MRPL35: variants seen among roughly 807,000 people sequenced by gnomAD.
The protein encoded by MRPL35 is mitochondrial ribosomal protein L35.
In MRPL35, 18 loss-of-function variants were observed where a neutral mutation model predicts 21.6. That is an observed-to-expected ratio of 0.83 (90% CI 0.58 to 1.24). The LOEUF (loss-of-function observed/expected upper bound fraction) is 1.24. Among genes scored for constraint, MRPL35 ranks in the 50% most tolerant of loss-of-function variants. The pLI, the probability that MRPL35 is intolerant of heterozygous loss-of-function variation, is 0.00. For synonymous variants in MRPL35, 87 were observed against 86.9 expected, an observed-to-expected ratio of 1.00 and a Z score of -0.01; for missense variants, 223 against 223.2, an observed-to-expected ratio of 1.00 and a Z score of 0.01.
Position 86,212,636 on chromosome 2 carries a change from C to G in MRPL35, c.*1968C>G. ...GCCTCAGAGCACCTTCGTTTCTCCT[C>G]TAGACCAGGGACAGGTGTAGAGATA... On this transcript the variant is annotated 3_prime_UTR_variant, in exon 4 of 4. Transcript: ENST00000337109. The G allele has an allele frequency of 7.3e-7, 1 of 1,370,774 alleles. No individual in the cohort carries two copies. Among genetic ancestry groups the G allele is most frequent in the African/African-American group, 1.5e-5 (1 of 67,400 alleles). The allele number at this position is 1,370,774 out of a possible 1,614,324, so 84.9% of individuals were successfully genotyped here. A position where few individuals can be genotyped will look rare whatever the true frequency, so the allele number is the denominator to read the frequency against.
In MRPL35 at chr2:86,212,206, T is replaced by C. The variant is rs1673915848; in HGVS notation, c.*1538T>C. 7.6e-7 allele frequency: 1 copy of C among 1,318,928 alleles called. No homozygotes were observed. Among genetic ancestry groups the C allele is most frequent in the East Asian group, 3.0e-5 (1 of 33,606 alleles). 81.7% of individuals were successfully genotyped at this position (1,318,928 alleles called of 1,614,324 possible). On this transcript the variant is annotated 3_prime_UTR_variant, in exon 4 of 4. Coordinates refer to ENST00000337109, the MANE Select transcript of MRPL35 (RefSeq NM_016622.4). ...ATTATGAAATTGAAGTTCTGCAGCATGTCAGGCCAGGATTATTAGGGAGAT... is the reference window on the plus strand; with the variant it reads ...ATTATGAAATTGAAGTTCTGCAGCACGTCAGGCCAGGATTATTAGGGAGAT...
chr2:86,206,119 C>T lies in MRPL35; in HGVS notation c.57C>T (p.Pro19=), dbSNP rs1259230023. Residue 19 remains proline (P), a synonymous_variant, in exon 2 of 4, where the codon CCC becomes CCT. Coordinates refer to ENST00000337109, the MANE Select transcript of MRPL35 (RefSeq NM_016622.4). ...AVRAASGILR[P]LNILASSTYR... is the part of the protein sequence containing the mutation. ...CTATCTTTACAGGAATCCTACGGCCCCTGAATATTTTGGCATCTTCAACCT... is the reference window on the plus strand; with the variant it reads ...CTATCTTTACAGGAATCCTACGGCCTCTGAATATTTTGGCATCTTCAACCT... 3 of 1,610,678 alleles carry T rather than the reference C, an allele frequency of 1.9e-6. No individual in the cohort carries two copies. Among genetic ancestry groups the T allele is most frequent in the Middle Eastern group, 1.7e-4 (1 of 6,058 alleles).
Position 86,206,295 on chromosome 2 carries a change from GGTAGA to G in MRPL35, c.233+4_233+8del. On this transcript the variant is annotated splice_donor_variant and splice_donor_5th_base_variant and intron_variant, in intron 2 of 3. Transcript: ENST00000337109. LOFTEE classifies it high-confidence loss of function. The stretch of plus-strand genomic sequence containing the variant: ...GGGCATACCTCAGTGATCCTTAATA[GGTAGA>G]GTATATTTCTTTGTGGGGTTTTTTT... The G allele has an allele frequency of 1.3e-6, 2 of 1,596,406 alleles. No individual in the cohort carries two copies. The highest frequency in any genetic ancestry group is 1.7e-6 in the Non-Finnish European group (2 of 1,174,188).
At chr2:86,200,916 T>G (rs1673671643) in intron 1 of MRPL35, among the ~76,000 whole-genome samples, 1 of 152,194 alleles carries the variant, frequency 6.6e-6, no homozygotes, top group South Asian at 2.1e-4. Context: ...TCCGCCCGCC[T>G]CGACCTCCCA....
Position 86,211,306 on chromosome 2 carries a change from G to A in MRPL35, c.*638G>A. The A allele has an allele frequency of 1.1e-6, 1 of 884,516 alleles. No individual in the cohort carries two copies. Among genetic ancestry groups the A allele is most frequent in the Non-Finnish European group, 1.4e-6 (1 of 738,310 alleles). The allele number at this position is 884,516 out of a possible 1,614,324, so 54.8% of individuals were successfully genotyped here. A position where few individuals can be genotyped will look rare whatever the true frequency, so the allele number is the denominator to read the frequency against. ...TTCTACATGATGACCTTCAGCTCCT[G>A]CTGCTAGTCTCCAATTGCCAAGGGA... On this transcript the variant is annotated 3_prime_UTR_variant, in exon 4 of 4. Transcript: ENST00000337109.
At chr2:86,203,180 C>T (rs992660668) in intron 1 of MRPL35, among the ~76,000 whole-genome samples, 3 of 150,700 alleles carry the variant, frequency 2.0e-5, no homozygotes, top group Non-Finnish European at 4.4e-5. Flanking sequence ...CCCAGGTTCA[C>T]GCCATTCTCC....
At position 86,211,495 on chromosome 2, in the gene MRPL35, G is replaced by A; in HGVS notation, c.*827G>A. 1.0e-6 allele frequency: 1 copy of A among 985,394 alleles called. No homozygotes were observed. The highest frequency in any genetic ancestry group is 1.2e-6 in the Non-Finnish European group (1 of 829,934). The allele number at this position is 985,394 out of a possible 1,614,324, so 61.0% of individuals were successfully genotyped here. ...TTTCACTTGGAGGTTCACATGGGGT[G>A]GCAGCACACTTAACATCTAACACAC... is the stretch of plus-strand genomic sequence containing the variant. On this transcript the variant is annotated 3_prime_UTR_variant, in exon 4 of 4. Transcript: ENST00000337109.
chr2:86,200,112 G>C (rs11900161), intron 1 of MRPL35, among the ~76,000 whole-genome samples: 78,389 of 151,932 alleles, frequency 0.52, 20,659 homozygotes, highest in Non-Finnish European at 0.58. Flanking sequence ...AAGTTGCCGT[G>C]ACGTTAAGTA....
chr2:86,202,042 G>A (rs1381958677), intron 1 of MRPL35, among the ~76,000 whole-genome samples: 1 of 152,184 alleles, frequency 6.6e-6, no homozygotes, highest in African/African-American at 2.4e-5. Context: ...ATGCCCAGAC[G>A]GGGCAGAGGA....
chr2:86,207,071 AAGTT>A, intron 2 of MRPL35, 108 bp from the exon 3 acceptor site: 1 of 1,062,818 alleles, frequency 9.4e-7, no homozygotes, highest in Non-Finnish European at 1.3e-6. Flanking sequence ...TGTATATGAA[AAGTT>A]AGTTCCAGTC....
At chr2:86,206,845 GC>G (rs773474745) in intron 2 of MRPL35, among the ~76,000 whole-genome samples, 1 of 152,216 alleles carries the variant, frequency 6.6e-6, no homozygotes. Flanking sequence ...ACCCCTGGGT[GC>G]CTAGCACTGT....
In MRPL35 at chr2:86,210,786, A is replaced by G; in HGVS notation, c.*118A>G. 1 of 1,386,374 alleles carries G rather than the reference A, an allele frequency of 7.2e-7. No homozygotes were observed. Among genetic ancestry groups the G allele is most frequent in the Non-Finnish European group, 9.4e-7 (1 of 1,063,820 alleles). The allele number at this position is 1,386,374 out of a possible 1,614,324, so 85.9% of individuals were successfully genotyped here. A position where few individuals can be genotyped will look rare whatever the true frequency, so the allele number is the denominator to read the frequency against. On this transcript the variant is annotated 3_prime_UTR_variant, in exon 4 of 4. Transcript: ENST00000337109. The stretch of plus-strand genomic sequence containing the variant: ...TGTACCAATGAATACGTAAACATAC[A>G]GTGACAACATTAAACTTAGAAAAGT...
Position 86,212,713 on chromosome 2 carries a change from C to G in MRPL35, c.*2045C>G. 8.3e-7 allele frequency: 1 copy of G among 1,205,184 alleles called. No homozygotes were observed. Among genetic ancestry groups the G allele is most frequent in the Non-Finnish European group, 1.0e-6 (1 of 970,408 alleles). The allele number at this position is 1,205,184 out of a possible 1,614,324, so 74.7% of individuals were successfully genotyped here. ...CCAAAGATGGACTGAAGTGGGATGG[C>G]TGACAGGCACATAACTTACGGGAAA... On this transcript the variant is annotated 3_prime_UTR_variant, in exon 4 of 4. Coordinates refer to ENST00000337109, the MANE Select transcript of MRPL35 (RefSeq NM_016622.4).
intron 1 of MRPL35, among the ~76,000 whole-genome samples, chr2:86,202,428 A>G (rs923268030): frequency 6.6e-6 from 1 of 152,232 alleles, no homozygotes; most frequent in Non-Finnish European, 1.5e-5. Context: ...GGATCTTCAT[A>G]AAAATTGAGA....
rs531546280 is a variant in MRPL35, at chr2:86,202,788, T to C, written c.43+3255T>C. 4.8e-4 allele frequency among the ~76,000 whole-genome samples: 73 copies of C among 151,800 alleles called. No individual in the cohort carries two copies. In the South Asian group the frequency reaches 0.015, roughly 31 times the overall value. On this transcript the variant is annotated intron_variant, in intron 1 of 3. Transcript: ENST00000337109. ...CTCACTGCAACCTCTGCCTCCTGAG[T>C]TCAAGCAGTTCTCCTACCTCAGCCT... is the stretch of plus-strand genomic sequence containing the variant.
In MRPL35 at chr2:86,199,484, G is replaced by A. The variant is rs144633929; in HGVS notation, c.-7G>A. On this transcript the variant is annotated 5_prime_UTR_variant, in exon 1 of 4. Coordinates refer to ENST00000337109, the MANE Select transcript of MRPL35 (RefSeq NM_016622.4). ...ACCCAAAGCGGCCGCCGTAGGCGAAGGTGAAGATGGCTGCCTCTGCCTTTG... is the reference window on the plus strand; with the variant it reads ...ACCCAAAGCGGCCGCCGTAGGCGAAAGTGAAGATGGCTGCCTCTGCCTTTG... 347 of 1,614,172 alleles carry A rather than the reference G, an allele frequency of 2.1e-4. 5 individuals carry two copies. The East Asian group carries it at 7.0e-3, about 33-fold the overall frequency.
Position 86,212,324 on chromosome 2 carries a change from C to T in MRPL35, c.*1656C>T, listed in dbSNP as rs1179397143. On this transcript the variant is annotated 3_prime_UTR_variant, in exon 4 of 4. Coordinates refer to ENST00000337109, the MANE Select transcript of MRPL35 (RefSeq NM_016622.4). ...TCCAAGTGCGTGTCTACTTATGGGA[C>T]CAATAAATAAAGAACAGACATTTGA... The T allele has an allele frequency of 1.3e-6, 2 of 1,593,602 alleles. No individual in the cohort carries two copies. The highest frequency in any genetic ancestry group is 1.7e-6 in the Non-Finnish European group (2 of 1,170,048).
At chr2:86,207,822 G>A (rs1394007232) in intron 3 of MRPL35, among the ~76,000 whole-genome samples, 5 of 151,954 alleles carry the variant, frequency 3.3e-5, no homozygotes, top group African/African-American at 4.8e-5. Context: ...CAGGAGAGTC[G>A]CTTGAACCTG....
intron 3 of MRPL35, among the ~76,000 whole-genome samples, chr2:86,208,321 T>C (rs1285386616): frequency 6.6e-6 from 1 of 152,106 alleles, no homozygotes; most frequent in Non-Finnish European, 1.5e-5. Context: ...TTTTTTCTTT[T>C]TTTGAGACAA....
Sources: allele counts gnomAD v4.1 joint callset (sites outside exome capture counted in the v4.1 genomes callset), GRCh38; gene constraint gnomAD v4.1.1; transcripts MANE v1.5; gene names NCBI Gene and HGNC (gene_info 2026-07-23, HGNC 2026-07-21).